LRRC4C: variants seen among roughly 807,000 people sequenced by gnomAD.
LRRC4C encodes the protein leucine rich repeat containing 4C.
In LRRC4C, 5 loss-of-function variants were observed where a neutral mutation model predicts 33.6. The ratio of observed to expected loss-of-function variants is 0.15; its 90% confidence interval spans 0.08 to 0.31. The LOEUF (loss-of-function observed/expected upper bound fraction) is 0.31, where lower values mean the gene tolerates loss of function less well. Among genes scored for constraint, LRRC4C ranks in the 10% least tolerant of loss-of-function variants. The probability of loss-of-function intolerance (pLI) is 1.00; values close to 1 mark genes in which losing one functional copy is unlikely to be tolerated. For missense variants in LRRC4C, 560 were observed against 796.7 expected (o/e 0.70, Z 3.58); for synonymous variants, 329 against 302.0 (o/e 1.09, Z -0.93).
chr11:41,199,939 C>T (rs1946338367), intron 1 of LRRC4C, among the ~76,000 whole-genome samples: 1 of 152,076 alleles, frequency 6.6e-6, no homozygotes, highest in South Asian at 2.1e-4. Context: ...CATGAATAAG[C>T]CAACCTCTGT....
intron 3 of LRRC4C, among the ~76,000 whole-genome samples, chr11:40,628,678 T>C (rs939793283): frequency 6.6e-6 from 1 of 152,108 alleles, no homozygotes; most frequent in Non-Finnish European, 1.5e-5. Context: ...ATTTCAGATC[T>C]AACACCACGA....
At chr11:40,761,501 G>A (rs7106270) in intron 2 of LRRC4C, among the ~76,000 whole-genome samples, 117,420 of 151,936 alleles carry the variant, frequency 0.77, 45,499 homozygotes, top group Middle Eastern at 0.85. Context: ...GTGTCGAAAT[G>A]AATGTCGAAA....
chr11:40,296,536 G>A (rs965734126), intron 4 of LRRC4C, among the ~76,000 whole-genome samples: 1 of 152,156 alleles, frequency 6.6e-6, no homozygotes, highest in African/African-American at 2.4e-5. Context: ...ATGGGGAACA[G>A]CTGTATATCA....
chr11:40,373,891 T>A (rs1948559718), intron 3 of LRRC4C, among the ~76,000 whole-genome samples: 1 of 152,188 alleles, frequency 6.6e-6, no homozygotes, highest in Non-Finnish European at 1.5e-5. Context: ...TTGTACAGCC[T>A]ACAGAACCAT....
chr11:41,429,011 C>T (rs1955139841), intron 1 of LRRC4C, among the ~76,000 whole-genome samples: 1 of 152,212 alleles, frequency 6.6e-6, no homozygotes, highest in African/African-American at 2.4e-5. Flanking sequence ...AGTCAAATCT[C>T]ATCTTGAATT....
intron 2 of LRRC4C, among the ~76,000 whole-genome samples, chr11:40,770,044 G>A (rs1949679064): frequency 6.6e-6 from 1 of 151,976 alleles, no homozygotes; most frequent in African/African-American, 2.4e-5. Context: ...CACATCAAAG[G>A]AAACAATAAT....
intron 1 of LRRC4C, among the ~76,000 whole-genome samples, chr11:41,299,517 T>C (rs1181950361): frequency 6.6e-6 from 1 of 152,128 alleles, no homozygotes; most frequent in Non-Finnish European, 1.5e-5. Context: ...ATCTATATCC[T>C]ATAGTCAAAA....
intron 1 of LRRC4C, among the ~76,000 whole-genome samples, chr11:41,432,882 AG>A (rs1378162692): frequency 6.6e-6 from 1 of 152,212 alleles, no homozygotes; most frequent in Non-Finnish European, 1.5e-5. Flanking sequence ...TATAGTCTGC[AG>A]GAAGTTTCCC....
chr11:41,257,480 AG>A (rs1164830792), intron 1 of LRRC4C, among the ~76,000 whole-genome samples: 1 of 152,040 alleles, frequency 6.6e-6, no homozygotes, highest in Non-Finnish European at 1.5e-5. Context: ...GGTATGGTTC[AG>A]TGCCTACCTG....
At chr11:41,111,878 T>C (rs2135706247) in intron 1 of LRRC4C, among the ~76,000 whole-genome samples, 1 of 152,164 alleles carries the variant, frequency 6.6e-6, no homozygotes, top group East Asian at 1.9e-4. Flanking sequence ...CTATCATAGA[T>C]AATAGAAATA....
intron 1 of LRRC4C, among the ~76,000 whole-genome samples, chr11:41,113,908 A>G (rs972373065): frequency 3.3e-5 from 5 of 152,058 alleles, no homozygotes; most frequent in Non-Finnish European, 5.9e-5. Context: ...AAATACATAA[A>G]TATTAGAAGC....
At chr11:40,256,814 C>T (rs1867245848) in intron 4 of LRRC4C, among the ~76,000 whole-genome samples, 1 of 152,130 alleles carries the variant, frequency 6.6e-6, no homozygotes, top group South Asian at 2.1e-4. Flanking sequence ...AATTGTGCTC[C>T]TAGGTACTCT....
intron 3 of LRRC4C, among the ~76,000 whole-genome samples, chr11:40,567,905 C>T (rs1209543119): frequency 2.0e-5 from 3 of 152,170 alleles, no homozygotes; most frequent in Non-Finnish European, 4.4e-5. Flanking sequence ...TGAAATCCCC[C>T]TTTACCTCAA....
chr11:41,415,720 T>G (rs1480064383), intron 1 of LRRC4C, among the ~76,000 whole-genome samples: 3 of 152,144 alleles, frequency 2.0e-5, no homozygotes, highest in Non-Finnish European at 2.9e-5. Context: ...GTCTAATAGA[T>G]GGATGATATC....
At chr11:40,801,692 G>T (rs1039186381) in intron 2 of LRRC4C, among the ~76,000 whole-genome samples, 3 of 151,892 alleles carry the variant, frequency 2.0e-5, no homozygotes, top group African/African-American at 7.3e-5. Context: ...AATTCAATAG[G>T]TATTATTTCA....
chr11:41,301,261 TC>T (rs1361241429), intron 1 of LRRC4C, among the ~76,000 whole-genome samples: 12 of 152,200 alleles, frequency 7.9e-5, no homozygotes, highest in African/African-American at 2.7e-4. Flanking sequence ...TGGAATTACG[TC>T]ATTTACTTTA....
chr11:40,281,696 C>T (rs1943485554), intron 4 of LRRC4C, among the ~76,000 whole-genome samples: 1 of 152,038 alleles, frequency 6.6e-6, no homozygotes, highest in South Asian at 2.1e-4. Context: ...AGATTAATAA[C>T]AAACAAAAAT....
chr11:40,964,921 T>C (rs1420789218), intron 1 of LRRC4C, among the ~76,000 whole-genome samples: 2 of 152,086 alleles, frequency 1.3e-5, no homozygotes. Flanking sequence ...GTATTTCTAG[T>C]TCTAGATCCC....
chr11:41,165,146 C>T (rs987046967), intron 1 of LRRC4C, among the ~76,000 whole-genome samples: 4 of 152,102 alleles, frequency 2.6e-5, no homozygotes, highest in Non-Finnish European at 4.4e-5. Flanking sequence ...CTGGGACCTT[C>T]GCAGCCTCCA....
Sources: allele counts gnomAD v4.1 joint callset (sites outside exome capture counted in the v4.1 genomes callset), GRCh38; gene constraint gnomAD v4.1.1; transcripts MANE v1.5; gene names NCBI Gene and HGNC (gene_info 2026-07-23, HGNC 2026-07-21).